Variants in RALYL observed in about 807,000 individuals in gnomAD.
RALYL encodes the protein RNA-binding Raly-like protein.
RALYL carries 29 observed loss-of-function variants against 35.1 expected under a neutral mutation model. That is an observed-to-expected ratio of 0.83 (90% CI 0.61 to 1.13). The LOEUF (loss-of-function observed/expected upper bound fraction) is 1.13. Ranked by LOEUF, RALYL falls within the 50% of genes most tolerant of loss-of-function variation. The pLI, the probability that RALYL is intolerant of heterozygous loss-of-function variation, is 0.00. For synonymous variants in RALYL, 120 were observed against 127.6 expected (o/e 0.94, Z 0.40); for missense variants, 359 against 360.4 (o/e 1.00, Z 0.03).
intron 2 of RALYL, among the ~76,000 whole-genome samples, chr8:84,575,333 A>C (rs1244257544): frequency 6.6e-6 from 1 of 152,184 alleles, no homozygotes; most frequent in Non-Finnish European, 1.5e-5. Context: ...TTATTCAAAA[A>C]ATTTTAAACA....
intron 2 of RALYL, among the ~76,000 whole-genome samples, chr8:84,566,846 C>G (rs1245244106): frequency 6.6e-6 from 1 of 151,512 alleles, no homozygotes; most frequent in African/African-American, 2.4e-5. Context: ...CCCAATTTTC[C>G]CAGCTTTTTA....
chr8:84,342,717 T>C (rs930918369), intron 1 of RALYL, among the ~76,000 whole-genome samples: 5 of 151,996 alleles, frequency 3.3e-5, no homozygotes, highest in African/African-American at 1.2e-4. Context: ...CTGGGTAATA[T>C]GTTGTTTCAT....
At chr8:84,696,630 T>A (rs1010986137) in intron 2 of RALYL, among the ~76,000 whole-genome samples, 1 of 151,976 alleles carries the variant, frequency 6.6e-6, no homozygotes, top group African/African-American at 2.4e-5. Flanking sequence ...TAATACAAGA[T>A]TTTGTGTTTG....
At chr8:84,839,576 T>A (rs1832762757) in intron 4 of RALYL, among the ~76,000 whole-genome samples, 1 of 152,222 alleles carries the variant, frequency 6.6e-6, no homozygotes, top group African/African-American at 2.4e-5. Context: ...AGCAGAATCC[T>A]CTGCAGACTT....
At chr8:84,379,734 C>T (rs1356712784) in intron 1 of RALYL, among the ~76,000 whole-genome samples, 1 of 151,166 alleles carries the variant, frequency 6.6e-6, no homozygotes, top group Non-Finnish European at 1.5e-5. Flanking sequence ...TATAGAAGTG[C>T]AAACAAGAGA....
At chr8:84,488,909 C>CAAAAA (rs2054940254) in intron 1 of RALYL, among the ~76,000 whole-genome samples, 1 of 151,644 alleles carries the variant, frequency 6.6e-6, no homozygotes, top group African/African-American at 2.4e-5. Context: ...TAAGAGCTGC[C>CAAAAA]AAAATATTTT....
chr8:84,690,701 A>G (rs948203946), intron 2 of RALYL, among the ~76,000 whole-genome samples: 9 of 152,076 alleles, frequency 5.9e-5, no homozygotes, highest in Non-Finnish European at 1.0e-4. Flanking sequence ...AGGTAAAGGA[A>G]CTATTGTTTT....
chr8:84,289,455 A>G (rs569265692), intron 1 of RALYL, among the ~76,000 whole-genome samples: 1 of 152,318 alleles, frequency 6.6e-6, no homozygotes, highest in South Asian at 2.1e-4. Flanking sequence ...TTCTCATTAT[A>G]TAAGAGGAGT....
At chr8:84,215,445 T>C (rs1009404217) in intron 1 of RALYL, among the ~76,000 whole-genome samples, 6 of 152,126 alleles carry the variant, frequency 3.9e-5, no homozygotes, top group African/African-American at 1.4e-4. Flanking sequence ...TATTTAAAAG[T>C]TTATTCATTT....
chr8:84,273,431 A>G (rs1834726692), intron 1 of RALYL, among the ~76,000 whole-genome samples: 1 of 152,256 alleles, frequency 6.6e-6, no homozygotes, highest in Non-Finnish European at 1.5e-5. Flanking sequence ...AGGCACTTAG[A>G]TGGAAGCCAC....
chr8:84,730,068 G>A (rs929554471), intron 2 of RALYL, among the ~76,000 whole-genome samples: 26 of 152,170 alleles, frequency 1.7e-4, no homozygotes, highest in African/African-American at 4.3e-4. Context: ...AAAGCTGGGC[G>A]GAGACACAAC....
chr8:84,612,921 G>A (rs1380327383), intron 2 of RALYL, among the ~76,000 whole-genome samples: 1 of 151,592 alleles, frequency 6.6e-6, no homozygotes, highest in African/African-American at 2.4e-5. Context: ...GCATTTTCCA[G>A]TAAATACCAC....
At chr8:84,508,443 C>T (rs949562271) in intron 1 of RALYL, among the ~76,000 whole-genome samples, 1 of 151,996 alleles carries the variant, frequency 6.6e-6, no homozygotes, top group Admixed American at 6.6e-5. Flanking sequence ...AAAACAGCAC[C>T]AACAATACAA....
intron 2 of RALYL, among the ~76,000 whole-genome samples, chr8:84,565,426 T>G (rs2061717816): frequency 6.6e-6 from 1 of 151,570 alleles, no homozygotes; most frequent in Non-Finnish European, 1.5e-5. Context: ...CTGGGTCTTA[T>G]GAAATTAAAG....
chr8:84,584,330 C>T lies in RALYL; in HGVS notation c.256+54753C>T, dbSNP rs142482221. On this transcript the variant is annotated intron_variant, in intron 2 of 8. Coordinates refer to ENST00000521268, the MANE Select transcript of RALYL (RefSeq NM_173848.7). ...TAAATTATTGATATTTAAGGCCAGG[C>T]GTGGTGGCTCACACCTGTAATCCCA... 4.8e-3 allele frequency among the ~76,000 whole-genome samples: 732 copies of T among 152,232 alleles called. 1 individual carries two copies. Among genetic ancestry groups the T allele is most frequent in the Non-Finnish European group, 9.2e-3 (624 of 68,008 alleles).
At chr8:84,374,161 G>T (rs1384396577) in intron 1 of RALYL, among the ~76,000 whole-genome samples, 1 of 151,840 alleles carries the variant, frequency 6.6e-6, no homozygotes, top group African/African-American at 2.4e-5. Flanking sequence ...AAAGAGTGAT[G>T]GTTTGACTTC....
chr8:84,619,820 C>T (rs1048326016), intron 2 of RALYL, among the ~76,000 whole-genome samples: 4 of 151,660 alleles, frequency 2.6e-5, no homozygotes, highest in Non-Finnish European at 4.4e-5. Flanking sequence ...ATTTGCTTGT[C>T]TGTAAAGTAT....
intron 4 of RALYL, among the ~76,000 whole-genome samples, chr8:84,824,496 G>A (rs1829227172): frequency 6.6e-6 from 1 of 151,724 alleles, no homozygotes; most frequent in African/African-American, 2.4e-5. Context: ...ATTTTTCTCA[G>A]AACTAGAAAA....
chr8:84,434,439 A>G (rs1020636547), intron 1 of RALYL, among the ~76,000 whole-genome samples: 1 of 152,120 alleles, frequency 6.6e-6, no homozygotes, highest in African/African-American at 2.4e-5. Context: ...AAGCCCTGTG[A>G]AATATTCAAA....
Sources: gnomAD v4.1 joint callset for allele counts (sites outside exome capture counted in the v4.1 genomes callset) on GRCh38, gnomAD v4.1.1 for gene constraint, MANE v1.5 for transcripts, NCBI Gene and HGNC (gene_info 2026-07-23, HGNC 2026-07-21) for gene names.